GPC5: variants seen among roughly 807,000 people sequenced by gnomAD.
GPC5 encodes glypican-5.
In GPC5, 47 loss-of-function variants were observed where a neutral mutation model predicts 53.9. The ratio of observed to expected loss-of-function variants is 0.87; its 90% CI spans 0.69 to 1.11. The LOEUF is 1.11. Among genes scored for constraint, GPC5 ranks in the 50% most tolerant of loss-of-function variants. The pLI, the probability that GPC5 is intolerant of heterozygous loss-of-function variation, is 0.00. For missense variants in GPC5, 748 were observed against 713.1 expected (o/e 1.05, Z -0.56); for synonymous variants, 286 against 263.3 (o/e 1.09, Z -0.84).
intron 7 of GPC5, among the ~76,000 whole-genome samples, chr13:92,270,784 C>T (rs998795597): frequency 2.0e-5 from 3 of 152,050 alleles, no homozygotes; most frequent in Non-Finnish European, 4.4e-5. Context: ...TATTTAAATC[C>T]TTTTCTGGGC....
intron 6 of GPC5, among the ~76,000 whole-genome samples, chr13:91,955,729 C>T (rs951504559): frequency 6.6e-6 from 1 of 152,216 alleles, no homozygotes; most frequent in African/African-American, 2.4e-5. Context: ...ATAGCTTGTG[C>T]TGCATTCCAC....
At chr13:91,571,965 A>ATATATGTG (rs1594272507) in intron 2 of GPC5, among the ~76,000 whole-genome samples, 1 of 141,500 alleles carries the variant, frequency 7.1e-6, no homozygotes, top group South Asian at 2.2e-4. Flanking sequence ...ACATATATGT[A>ATATATGTG]TATATGTGTA....
intron 6 of GPC5, among the ~76,000 whole-genome samples, chr13:92,114,944 C>A (rs1566441305): frequency 6.6e-6 from 1 of 152,132 alleles, no homozygotes; most frequent in African/African-American, 2.4e-5. Flanking sequence ...GAGAAGAGGT[C>A]ACATGGCTGT....
intron 7 of GPC5, among the ~76,000 whole-genome samples, chr13:92,149,286 A>G (rs1328891028): frequency 1.3e-5 from 2 of 152,084 alleles, no homozygotes; most frequent in East Asian, 3.8e-4. Flanking sequence ...AATTATGAAA[A>G]TAATAAGGTT....
chr13:92,724,381 C>T (rs986157849), intron 7 of GPC5, among the ~76,000 whole-genome samples: 1 of 151,616 alleles, frequency 6.6e-6, no homozygotes, highest in Non-Finnish European at 1.5e-5. Flanking sequence ...GAACATTATA[C>T]TTTCCATACA....
chr13:91,904,131 C>G (rs896449573), intron 5 of GPC5, among the ~76,000 whole-genome samples: 1 of 111,340 alleles, frequency 9.0e-6, no homozygotes, highest in African/African-American at 3.7e-5. Context: ...GTTTTACTTT[C>G]TTTTCTTTCT....
At chr13:92,770,287 G>A (rs1043525836) in intron 7 of GPC5, among the ~76,000 whole-genome samples, 12 of 151,810 alleles carry the variant, frequency 7.9e-5, no homozygotes, top group African/African-American at 2.9e-4. Context: ...GGTGGCTCCT[G>A]CCTGTCATCC....
intron 2 of GPC5, among the ~76,000 whole-genome samples, chr13:91,534,867 G>T (rs892685832): frequency 3.9e-5 from 6 of 152,130 alleles, no homozygotes; most frequent in African/African-American, 1.4e-4. Context: ...GTATCTTCTA[G>T]ACTTCGACAG....
chr13:92,575,735 A>G (rs1053327744), intron 7 of GPC5, among the ~76,000 whole-genome samples: 1 of 152,116 alleles, frequency 6.6e-6, no homozygotes, highest in Non-Finnish European at 1.5e-5. Context: ...GTTTCTCTTG[A>G]CTAGGACAGA....
intron 1 of GPC5, among the ~76,000 whole-genome samples, chr13:91,438,955 C>T (rs145361051): frequency 0.036 from 5,544 of 152,290 alleles, 148 homozygotes; most frequent in Middle Eastern, 0.068. Context: ...TAGGACCCTC[C>T]GAGCCAGGTG....
intron 2 of GPC5, among the ~76,000 whole-genome samples, chr13:91,682,784 T>C (rs761482061): frequency 6.6e-6 from 1 of 152,198 alleles, no homozygotes; most frequent in Non-Finnish European, 1.5e-5. Context: ...TATCCTGCCC[T>C]TGGTCAGAGC....
chr13:92,585,841 AG>A (rs979094153), intron 7 of GPC5, among the ~76,000 whole-genome samples: 1 of 152,126 alleles, frequency 6.6e-6, no homozygotes, highest in Non-Finnish European at 1.5e-5. Context: ...GTCCTGCACA[AG>A]CTCTCTCTTT....
intron 7 of GPC5, among the ~76,000 whole-genome samples, chr13:92,215,686 C>T (rs2042404563): frequency 6.6e-6 from 1 of 152,166 alleles, no homozygotes; most frequent in African/African-American, 2.4e-5. Flanking sequence ...CTAGGGATGA[C>T]CACAGCCCTT....
At chr13:91,457,359 A>T (rs1229095786) in intron 2 of GPC5, among the ~76,000 whole-genome samples, 1 of 152,160 alleles carries the variant, frequency 6.6e-6, no homozygotes, top group Non-Finnish European at 1.5e-5. Flanking sequence ...AAGATAAAAT[A>T]ATGATACTAT....
At position 92,252,511 on chromosome 13, in the gene GPC5, A is replaced by G. The variant is rs72636897; in HGVS notation, c.1561+107522A>G. Among the ~76,000 whole-genome samples the G allele has an allele frequency of 3.5e-3, 528 of 152,146 alleles. 1 individual carries two copies. Among genetic ancestry groups the G allele is most frequent in the Middle Eastern group, 0.01 (3 of 292 alleles). On this transcript the variant is annotated intron_variant, in intron 7 of 7. Transcript: ENST00000377067. ...TTCACTTTATATTACCTCAGTTGAA[A>G]CTGCACAATGATGACTTCATTCTTG...
At chr13:92,248,841 T>C (rs9523549) in intron 7 of GPC5, among the ~76,000 whole-genome samples, 97,555 of 151,912 alleles carry the variant, frequency 0.64, 32,271 homozygotes, top group African/African-American at 0.79. Context: ...TTTTATTCAT[T>C]ATTTTCACTT....
intron 1 of GPC5, among the ~76,000 whole-genome samples, chr13:91,410,588 C>T (rs981901206): frequency 7.9e-5 from 12 of 151,650 alleles, no homozygotes; most frequent in South Asian, 2.1e-4. Context: ...CCTCGTGATC[C>T]GCCCGCCTTG....
At chr13:91,986,300 C>T (rs1267869576) in intron 6 of GPC5, among the ~76,000 whole-genome samples, 1 of 151,840 alleles carries the variant, frequency 6.6e-6, no homozygotes, top group African/African-American at 2.4e-5. Flanking sequence ...CTCCTAACCT[C>T]GTGATCCACC....
At chr13:92,040,250 C>G (rs1474315131) in intron 6 of GPC5, among the ~76,000 whole-genome samples, 1 of 152,176 alleles carries the variant, frequency 6.6e-6, no homozygotes, top group Non-Finnish European at 1.5e-5. Context: ...TGGGTTTTCG[C>G]CAGTCTCTGG....
Sources: gnomAD v4.1 joint callset for allele counts (sites outside exome capture counted in the v4.1 genomes callset) on GRCh38, gnomAD v4.1.1 for gene constraint, MANE v1.5 for transcripts, NCBI Gene and HGNC (gene_info 2026-07-23, HGNC 2026-07-21) for gene names.